Variants in MID1 observed in about 807,000 individuals in gnomAD.
MID1 encodes the protein midline 1.
A neutral mutation model predicts 40.4 loss-of-function variants in MID1; 7 were observed. The ratio of observed to expected loss-of-function variants is 0.17; its 90% CI spans 0.10 to 0.33. The LOEUF is 0.33. Ranked by LOEUF, MID1 falls within the 10% of genes least tolerant of loss-of-function variation. MID1 has a pLI of 1.00. For synonymous variants in MID1, 229 were observed against 221.2 expected (o/e 1.04, Z -0.31); for missense variants, 367 against 558.5 (o/e 0.66, Z 3.46).
intron 3 of MID1, among the ~76,000 whole-genome samples, chrX:10,504,695 C>T: frequency 9.0e-6 from 1 of 110,635 alleles, no homozygotes; most frequent in Non-Finnish European, 1.9e-5. Flanking sequence ...CCTCCTGATG[C>T]AATTTTGGAT....
At position 10,668,570 on chromosome X, in the gene MID1, ATAT is replaced by A. The variant is rs773535511; in HGVS notation, c.-186-48154_-186-48152del. ...TTGCTGTTATATGGCAAGGCAATAGATATTATCAAATAAAATTTAGTGAGCAAG... is the reference window on the plus strand; with the variant it reads ...TTGCTGTTATATGGCAAGGCAATAGATATCAAATAAAATTTAGTGAGCAAG... On this transcript the variant is annotated intron_variant, in intron 1 of 10. Coordinates refer to the MID1 transcript ENST00000380785. Among the ~76,000 whole-genome samples, 69 of 112,477 alleles carry A rather than the reference ATAT, an allele frequency of 6.1e-4. 1 individual carries two copies. Among genetic ancestry groups the A allele is most frequent in the African/African-American group, 2.2e-3 (67 of 31,012 alleles).
At chrX:10,531,133 C>T (rs974582564) in intron 2 of MID1, among the ~76,000 whole-genome samples, 16 of 111,538 alleles carry the variant, frequency 1.4e-4, no homozygotes, top group Non-Finnish European at 2.3e-4. Flanking sequence ...ACCACTCCAG[C>T]GTGATCAGGA....
chrX:10,789,811 C>G (rs899372975), intron 1 of MID1, among the ~76,000 whole-genome samples: 2 of 111,773 alleles, frequency 1.8e-5, no homozygotes, highest in Non-Finnish European at 3.8e-5. Flanking sequence ...TCTGCCCCAC[C>G]CTTGACTGAG....
intron 1 of MID1, among the ~76,000 whole-genome samples, chrX:10,636,819 C>T (rs867789913): frequency 2.7e-3 from 71 of 26,676 alleles, no homozygotes; most frequent in African/African-American, 6.7e-3. Context: ...TATATATATA[C>T]ACCACTGGTG....
chrX:10,684,377 T>TTTTC (rs760561518), intron 1 of MID1, among the ~76,000 whole-genome samples: 18 of 108,009 alleles, frequency 1.7e-4, no homozygotes, highest in Non-Finnish European at 2.1e-4. Flanking sequence ...CTCTCTTTTC[T>TTTTC]TTTCTTTCTT....
intron 1 of MID1, among the ~76,000 whole-genome samples, chrX:10,742,933 G>A (rs1045358230): frequency 2.7e-5 from 3 of 112,564 alleles, no homozygotes; most frequent in Non-Finnish European, 5.6e-5. Flanking sequence ...TCAGGGGAAC[G>A]GTTGCACAAC....
intron 1 of MID1, among the ~76,000 whole-genome samples, chrX:10,732,988 C>A (rs369114021): frequency 5.5e-5 from 6 of 109,229 alleles, no homozygotes; most frequent in Non-Finnish European, 1.1e-4. Context: ...CTCAGCCTCC[C>A]GAGTAGCTGG....
chrX:10,704,751 CACACACACACACACAG>C (rs2043217053), intron 1 of MID1, among the ~76,000 whole-genome samples: 1 of 98,049 alleles, frequency 1.0e-5, no homozygotes, highest in African/African-American at 3.9e-5. Flanking sequence ...CACACACACA[CACACACACACACACAG>C]AGAGAGAGAG....
chrX:10,571,297 A>G (rs1042275823), intron 1 of MID1, among the ~76,000 whole-genome samples: 1 of 111,748 alleles, frequency 8.9e-6, no homozygotes, highest in Non-Finnish European at 1.9e-5. Context: ...TTTTGGTTTG[A>G]TATCTATAGT....
At chrX:10,715,767 C>G (rs2043298330) in intron 1 of MID1, among the ~76,000 whole-genome samples, 1 of 111,920 alleles carries the variant, frequency 8.9e-6, no homozygotes, top group African/African-American at 3.2e-5. Context: ...TCCTTGACCC[C>G]CAAGTAGCCT....
chrX:10,733,971 A>G (rs2043470150), intron 1 of MID1, among the ~76,000 whole-genome samples: 1 of 112,467 alleles, frequency 8.9e-6, no homozygotes, highest in African/African-American at 3.2e-5. Context: ...AAGTAAAAGT[A>G]TATGTCCTCA....
At chrX:10,783,442 T>C (rs2043859611) in intron 1 of MID1, among the ~76,000 whole-genome samples, 1 of 111,961 alleles carries the variant, frequency 8.9e-6, no homozygotes, top group Non-Finnish European at 1.9e-5. Flanking sequence ...GAACTTATTA[T>C]GCTCTTCTTT....
intron 1 of MID1, among the ~76,000 whole-genome samples, chrX:10,658,251 G>C (rs972709219): frequency 9.3e-6 from 1 of 107,588 alleles, no homozygotes; most frequent in Non-Finnish European, 1.9e-5. Context: ...CTTTGTCAAG[G>C]GTTCTGAGAT....
intron 1 of MID1, among the ~76,000 whole-genome samples, chrX:10,746,085 G>A (rs1004955192): frequency 8.9e-6 from 1 of 111,859 alleles, no homozygotes; most frequent in Non-Finnish European, 1.9e-5. Flanking sequence ...TTTGATACGG[G>A]TTTTGACTGT....
chrX:10,490,607 T>TA (rs1029865411), intron 4 of MID1, among the ~76,000 whole-genome samples: 1 of 112,105 alleles, frequency 8.9e-6, no homozygotes, highest in Non-Finnish European at 1.9e-5. Flanking sequence ...TTTCTCATAT[T>TA]AAAAAAAATT....
At chrX:10,585,640 T>C (rs1003710565) in intron 1 of MID1, among the ~76,000 whole-genome samples, 15 of 110,484 alleles carry the variant, frequency 1.4e-4, no homozygotes, top group African/African-American at 4.7e-4. Context: ...TAGTGAGGAT[T>C]AAGGGGGTTG....
intron 2 of MID1, among the ~76,000 whole-genome samples, chrX:10,536,525 C>G (rs1162771836): frequency 8.9e-6 from 1 of 112,531 alleles, no homozygotes; most frequent in Non-Finnish European, 1.9e-5. Flanking sequence ...ATGTTACTTT[C>G]AAAAACTTTT....
chrX:10,667,646 T>A (rs1032839945), intron 1 of MID1, among the ~76,000 whole-genome samples: 4 of 111,556 alleles, frequency 3.6e-5, no homozygotes, highest in African/African-American at 1.3e-4. Flanking sequence ...GGGGGGAGTC[T>A]TTTCGGAGAC....
intron 1 of MID1, among the ~76,000 whole-genome samples, chrX:10,648,488 C>A (rs1305294594): frequency 8.9e-6 from 1 of 111,911 alleles, no homozygotes; most frequent in African/African-American, 3.3e-5. Context: ...TTATTTCAGA[C>A]CAATAAAAGA....
Sources: allele counts gnomAD v4.1 joint callset (sites outside exome capture counted in the v4.1 genomes callset), GRCh38; gene constraint gnomAD v4.1.1; transcripts MANE v1.5; gene names NCBI Gene and HGNC (gene_info 2026-07-23, HGNC 2026-07-21).